Variants in VGLL4 observed in about 807,000 individuals in gnomAD.
The protein encoded by VGLL4 is vestigial like family member 4.
VGLL4 carries 7 observed loss-of-function variants against 21.0 expected under a neutral mutation model. The observed-to-expected ratio is 0.33, with a 90% CI of 0.19 to 0.63. VGLL4 has a LOEUF of 0.63. Ranked by LOEUF, VGLL4 falls within the 20% of genes least tolerant of loss-of-function variation. The probability of loss-of-function intolerance (pLI) is 0.78; values close to 1 mark genes in which losing one functional copy is unlikely to be tolerated. For synonymous variants in VGLL4, 222 were observed against 173.2 expected (o/e 1.28, Z -2.21); for missense variants, 394 against 425.7 (o/e 0.93, Z 0.66).
At chr3:11,575,725 T>A (rs1329019973) in intron 2 of VGLL4, among the ~76,000 whole-genome samples, 2 of 152,200 alleles carry the variant, frequency 1.3e-5, no homozygotes, top group Non-Finnish European at 2.9e-5. Context: ...ATTCTCCCTA[T>A]GGTGGCCCAA....
intron 2 of VGLL4, among the ~76,000 whole-genome samples, chr3:11,690,652 A>T (rs573109430): frequency 6.6e-6 from 1 of 152,314 alleles, no homozygotes; most frequent in East Asian, 1.9e-4. Flanking sequence ...AAGAGAGAAA[A>T]AAAAACACAT....
intron 2 of VGLL4, among the ~76,000 whole-genome samples, chr3:11,656,369 C>T (rs771221918): frequency 6.6e-6 from 1 of 152,180 alleles, no homozygotes; most frequent in Non-Finnish European, 1.5e-5. Flanking sequence ...GTGTCCAACA[C>T]AGGGAGGGAT....
chr3:11,590,661 A>AGT (rs1491099054), intron 2 of VGLL4, among the ~76,000 whole-genome samples: 20 of 110,124 alleles, frequency 1.8e-4, no homozygotes, highest in African/African-American at 5.8e-4. Context: ...TTCAAAATGA[A>AGT]GAGTGTGTGT....
intron 2 of VGLL4, among the ~76,000 whole-genome samples, chr3:11,684,730 C>CTGTGTCTGTG (rs1553743967): frequency 7.4e-5 from 11 of 148,674 alleles, no homozygotes; most frequent in African/African-American, 2.2e-4. Flanking sequence ...CAACCTTTTT[C>CTGTGTCTGTG]TGTGTGTGTG....
At position 11,565,687 on chromosome 3, in the gene VGLL4, C is replaced by G. The variant is rs1045290235; in HGVS notation, c.273-668G>C. 6.6e-6 allele frequency among the ~76,000 whole-genome samples: 1 copy of G among 152,224 alleles called. No homozygotes were observed. The highest frequency in any genetic ancestry group is 2.4e-5 in the African/African-American group (1 of 41,466). On this transcript the variant is annotated intron_variant, in intron 2 of 4. Coordinates refer to ENST00000430365, the MANE Select transcript of VGLL4 (RefSeq NM_001128219.3). The surrounding 1 kb of genome is among the most constrained non-coding windows in gnomAD (Gnocchi z 4.1). ...AGGACACACGAGCAGGAGTGACCTGCGTCCAGAAGGTCCATCACTAGCCCT... is the reference window on the plus strand; with the variant it reads ...AGGACACACGAGCAGGAGTGACCTGGGTCCAGAAGGTCCATCACTAGCCCT...
intron 1 of VGLL4, among the ~76,000 whole-genome samples, chr3:11,617,771 G>T (rs1254124104): frequency 6.6e-6 from 1 of 152,212 alleles, no homozygotes; most frequent in Non-Finnish European, 1.5e-5. Context: ...TTATCAATAT[G>T]TAACAAGGAA....
At chr3:11,650,951 T>C (rs2075861782) in intron 2 of VGLL4, among the ~76,000 whole-genome samples, 1 of 152,194 alleles carries the variant, frequency 6.6e-6, no homozygotes, top group African/African-American at 2.4e-5. Context: ...ATGATGATGA[T>C]GATGGTGGTG....
At position 11,573,309 on chromosome 3, in the gene VGLL4, AAGG is replaced by A. The variant is rs1559870162; in HGVS notation, c.273-8293_273-8291del. ...AAAGAAAGAAAGAAAGAAAGAAAGG[AAGG>A]AAGGAAGAAAGAAAGAAAGAAAGAA... On this transcript the variant is annotated intron_variant, in intron 2 of 4. Transcript: ENST00000430365. 6.9e-4 allele frequency among the ~76,000 whole-genome samples: 8 copies of A among 11,636 alleles called. 1 individual carries two copies. The highest frequency in any genetic ancestry group is 1.2e-3 in the Non-Finnish European group (8 of 6,856). The allele number at this position is 11,636 out of a possible 152,430, so 7.6% of individuals were successfully genotyped here.
intron 2 of VGLL4, among the ~76,000 whole-genome samples, chr3:11,597,913 G>A (rs2074686837): frequency 1.3e-5 from 2 of 152,128 alleles, no homozygotes; most frequent in African/African-American, 4.8e-5. Flanking sequence ...TAAGAGGCTG[G>A]AATAAAATCC....
chr3:11,585,016 T>C (rs1204541388), intron 2 of VGLL4, among the ~76,000 whole-genome samples: 1 of 152,040 alleles, frequency 6.6e-6, no homozygotes, highest in African/African-American at 2.4e-5. Flanking sequence ...CAATCACTGC[T>C]CCATTAAGGA....
intron 2 of VGLL4, among the ~76,000 whole-genome samples, chr3:11,692,106 C>T (rs2076535505): frequency 6.6e-6 from 1 of 152,050 alleles, no homozygotes; most frequent in African/African-American, 2.4e-5. Flanking sequence ...AAATATGGAT[C>T]TCTAAGGATT....
intron 1 of VGLL4, among the ~76,000 whole-genome samples, chr3:11,629,453 T>C (rs1261959224): frequency 6.6e-6 from 1 of 151,562 alleles, no homozygotes; most frequent in Non-Finnish European, 1.5e-5. Flanking sequence ...CCTTGAAAGA[T>C]ACATAGAATC....
At chr3:11,638,858 G>T (rs572549986) in intron 1 of VGLL4, among the ~76,000 whole-genome samples, 1 of 152,274 alleles carries the variant, frequency 6.6e-6, no homozygotes, top group South Asian at 2.1e-4. Flanking sequence ...AGATCACAGG[G>T]TCTCACTGAA....
chr3:11,670,747 A>G (rs1456272392), intron 2 of VGLL4, among the ~76,000 whole-genome samples: 2 of 152,114 alleles, frequency 1.3e-5, no homozygotes, highest in Non-Finnish European at 2.9e-5. Flanking sequence ...CATAAAAGAG[A>G]GAGTGGTGGG....
chr3:11,621,816 C>T (rs1020772888), intron 1 of VGLL4, among the ~76,000 whole-genome samples: 3 of 152,234 alleles, frequency 2.0e-5, no homozygotes, highest in African/African-American at 7.2e-5. Context: ...TCCACATCCT[C>T]ACCAACACTT....
At chr3:11,687,797 A>G (rs1449333545) in intron 2 of VGLL4, among the ~76,000 whole-genome samples, 1 of 152,092 alleles carries the variant, frequency 6.6e-6, no homozygotes, top group Non-Finnish European at 1.5e-5. Flanking sequence ...AGTTTTTCCT[A>G]TATCTTTTCA....
chr3:11,560,019 C>G (rs62245958), intron 3 of VGLL4, among the ~76,000 whole-genome samples: 36,280 of 152,006 alleles, frequency 0.24, 5,438 homozygotes, highest in African/African-American at 0.41. Flanking sequence ...CCCACCCCAG[C>G]CCGATCTGCC....
intron 2 of VGLL4, among the ~76,000 whole-genome samples, chr3:11,592,016 T>C (rs1326395510): frequency 1.3e-5 from 2 of 152,228 alleles, no homozygotes; most frequent in African/African-American, 4.8e-5. Flanking sequence ...TGGGAATACT[T>C]GTAAGATACA....
intron 1 of VGLL4, chr3:11,626,583 G>A: frequency 3.1e-6 from 1 of 327,520 alleles, no homozygotes; most frequent in Non-Finnish European, 6.1e-6. Flanking sequence ...CATTGTGGTG[G>A]CTAAGAGCTA....
Sources: gnomAD v4.1 joint callset for allele counts (sites outside exome capture counted in the v4.1 genomes callset) on GRCh38, gnomAD v4.1.1 for gene constraint, Gnocchi (gnomAD v3.1) non-coding constraint, MANE v1.5 for transcripts, NCBI Gene and HGNC (gene_info 2026-07-23, HGNC 2026-07-21) for gene names.